ANKRD11: variants seen among roughly 807,000 people sequenced by gnomAD.
ANKRD11 encodes the protein ankyrin repeat domain-containing protein 11.
ANKRD11 carries 17 observed loss-of-function variants against 195.7 expected under a neutral mutation model. The ratio of observed to expected loss-of-function variants is 0.09; its 90% CI spans 0.06 to 0.13. The LOEUF is 0.13. Among genes scored for constraint, ANKRD11 ranks in the 10% least tolerant of loss-of-function variants. ANKRD11 has a pLI of 1.00. For missense variants in ANKRD11, 3,735 were observed against 3,566.1 expected (o/e 1.05, Z -1.21); for synonymous variants, 1,953 against 1,528.1 (o/e 1.28, Z -6.49).
chr16:89,344,440 G>A (rs1487170217), intron 2 of ANKRD11, among the ~76,000 whole-genome samples: 1 of 152,170 alleles, frequency 6.6e-6, no homozygotes, highest in African/African-American at 2.4e-5. Context: ...GGCCACTGCT[G>A]TCCACACACT....
chr16:89,480,296 G>A (rs556668230), intron 1 of ANKRD11, among the ~76,000 whole-genome samples: 16 of 151,478 alleles, frequency 1.1e-4, no homozygotes, highest in Middle Eastern at 3.4e-3. Flanking sequence ...CTAACATGGC[G>A]AAACCCTGAC....
chr16:89,345,427 G>C (rs985950997), intron 2 of ANKRD11, among the ~76,000 whole-genome samples: 2 of 152,206 alleles, frequency 1.3e-5, no homozygotes, highest in Non-Finnish European at 2.9e-5. Flanking sequence ...AGCACTGGGA[G>C]GCAGTCCCGT....
intron 2 of ANKRD11, among the ~76,000 whole-genome samples, chr16:89,330,511 C>G (rs534572396): frequency 6.6e-6 from 1 of 151,818 alleles, no homozygotes; most frequent in Non-Finnish European, 1.5e-5. Context: ...TGAGGGTCCC[C>G]GTGACGTGGC....
chr16:89,460,694 A>AC (rs1240677239), intron 1 of ANKRD11, among the ~76,000 whole-genome samples: 5 of 151,958 alleles, frequency 3.3e-5, no homozygotes, highest in Admixed American at 6.6e-5. Flanking sequence ...CCACGATCAC[A>AC]CCACTGCACT....
chr16:89,442,204 C>T (rs191386976), intron 1 of ANKRD11, among the ~76,000 whole-genome samples: 182 of 152,332 alleles, frequency 1.2e-3, no homozygotes, highest in Admixed American at 2.9e-3. Context: ...TGACAACGCA[C>T]GCCCACTGGT....
chr16:89,326,203 A>C (rs571561392), intron 2 of ANKRD11, among the ~76,000 whole-genome samples: 2 of 152,372 alleles, frequency 1.3e-5, no homozygotes, highest in East Asian at 3.9e-4. Context: ...GGGACGGCAG[A>C]TGGAGGGTGA....
chr16:89,371,253 C>G (rs1351112635), intron 2 of ANKRD11, among the ~76,000 whole-genome samples: 6 of 152,210 alleles, frequency 3.9e-5, no homozygotes, highest in Admixed American at 3.9e-4. Flanking sequence ...AGGCCACCTA[C>G]ACAGAGAGGC....
intron 1 of ANKRD11, among the ~76,000 whole-genome samples, chr16:89,475,679 A>T (rs1375267024): frequency 6.6e-6 from 1 of 152,154 alleles, no homozygotes. Context: ...TACAATCAAA[A>T]TTCTGTTCTA....
intron 4 of ANKRD11, among the ~76,000 whole-genome samples, chr16:89,296,352 C>G (rs2035436703): frequency 6.6e-6 from 1 of 152,118 alleles, no homozygotes; most frequent in Non-Finnish European, 1.5e-5. Flanking sequence ...TGCCGAGGTG[C>G]CTGTTAAGCT....
intron 1 of ANKRD11, among the ~76,000 whole-genome samples, chr16:89,466,802 C>T (rs1325784719): frequency 6.6e-6 from 1 of 152,176 alleles, no homozygotes; most frequent in Non-Finnish European, 1.5e-5. Context: ...TGCAAAGAGC[C>T]AAGTGTGGGC....
intron 1 of ANKRD11, among the ~76,000 whole-genome samples, chr16:89,466,213 CAA>C (rs1157231145): frequency 6.6e-6 from 1 of 151,944 alleles, no homozygotes; most frequent in Non-Finnish European, 1.5e-5. Flanking sequence ...GCTGACAGTT[CAA>C]TTCTCTGAAG....
intron 1 of ANKRD11, among the ~76,000 whole-genome samples, chr16:89,429,194 A>T (rs74617643): frequency 0.012 from 845 of 73,086 alleles, 57 homozygotes; most frequent in Middle Eastern, 0.08. Context: ...TCACGCTCAG[A>T]CGTTCTAGTA....
In ANKRD11 at chr16:89,321,588, G is replaced by C. The variant is rs568693417; in HGVS notation, c.-59-4510C>G. Among the ~76,000 whole-genome samples, 2 of 152,208 alleles carry C rather than the reference G, an allele frequency of 1.3e-5. 1 individual carries two copies. ...ACCATGGAGACTCACGGGTCCCCTCGGGCCTTCTGAACCCAAACCTGCATT... is the reference window on the plus strand; with the variant it reads ...ACCATGGAGACTCACGGGTCCCCTCCGGCCTTCTGAACCCAAACCTGCATT... On this transcript the variant is annotated intron_variant, in intron 2 of 12. Coordinates refer to ENST00000301030, the MANE Select transcript of ANKRD11 (RefSeq NM_013275.6).
intron 2 of ANKRD11, chr16:89,319,827 A>T (rs2037196231): frequency 6.6e-6 from 1 of 152,414 alleles, no homozygotes; most frequent in South Asian, 2.1e-4. Context: ...GAGAGACCAG[A>T]TGAGGACAGA....
intron 2 of ANKRD11, among the ~76,000 whole-genome samples, chr16:89,353,450 C>A (rs1383159184): frequency 3.3e-5 from 5 of 152,128 alleles, no homozygotes; most frequent in African/African-American, 1.2e-4. Flanking sequence ...AAGAGGAACA[C>A]CAGTCCAAGG....
chr16:89,434,222 A>G (rs1197922997), intron 1 of ANKRD11, among the ~76,000 whole-genome samples: 6 of 152,134 alleles, frequency 3.9e-5, no homozygotes, highest in Non-Finnish European at 7.4e-5. Flanking sequence ...TCAAGACACT[A>G]TGGATTCTGT....
intron 2 of ANKRD11, among the ~76,000 whole-genome samples, chr16:89,338,255 A>G (rs1313953325): frequency 6.6e-6 from 1 of 152,008 alleles, no homozygotes; most frequent in Non-Finnish European, 1.5e-5. Context: ...TGCTGCCATG[A>G]GCGCCACACT....
chr16:89,355,321 C>T (rs1567692211), intron 2 of ANKRD11, among the ~76,000 whole-genome samples: 1 of 152,022 alleles, frequency 6.6e-6, no homozygotes, highest in Non-Finnish European at 1.5e-5. Context: ...TCACACAGAC[C>T]CACAAGGACC....
chr16:89,393,672 C>A (rs1379716145), intron 2 of ANKRD11, among the ~76,000 whole-genome samples: 4 of 151,864 alleles, frequency 2.6e-5, no homozygotes, highest in Admixed American at 2.6e-4. Flanking sequence ...TAATCACGTC[C>A]ACCTCAGAGG....
Sources: gnomAD v4.1 joint callset for allele counts (sites outside exome capture counted in the v4.1 genomes callset) on GRCh38, gnomAD v4.1.1 for gene constraint, MANE v1.5 for transcripts, NCBI Gene and HGNC (gene_info 2026-07-23, HGNC 2026-07-21) for gene names.